The following ASAP2 variants were observed in gnomAD, a reference collection of about 807,000 sequenced individuals.
ASAP2 encodes ArfGAP with SH3 domain, ankyrin repeat and PH domain 2.
A neutral mutation model predicts 131.4 loss-of-function variants in ASAP2; 45 were observed. That is an observed-to-expected ratio of 0.34 (90% CI 0.27 to 0.44). ASAP2 has a LOEUF of 0.44. ASAP2 is among the 20% of genes least tolerant of loss of function. ASAP2 has a pLI of 1.00. For synonymous variants in ASAP2, 510 were observed against 503.0 expected (o/e 1.01, Z -0.19); for missense variants, 1,011 against 1,297.0 (o/e 0.78, Z 3.39).
intron 7 of ASAP2, among the ~76,000 whole-genome samples, chr2:9,334,258 C>A (rs1052853614): frequency 1.3e-5 from 2 of 149,524 alleles, no homozygotes; most frequent in Non-Finnish European, 3.0e-5. Context: ...CTATGTTGGC[C>A]AGCTGGTCTG....
chr2:9,210,674 C>T (rs536813753), intron 1 of ASAP2, among the ~76,000 whole-genome samples: 1 of 152,002 alleles, frequency 6.6e-6, no homozygotes, highest in East Asian at 2.0e-4. Context: ...CCTGCCTCAG[C>T]CTCCCGAGTA....
chr2:9,388,834 G>A (rs1379590131), intron 22 of ASAP2, among the ~76,000 whole-genome samples: 1 of 152,092 alleles, frequency 6.6e-6, no homozygotes. Context: ...CCCGGGGCTG[G>A]GCCAAAAGAC....
chr2:9,292,539 G>GA (rs1425310630), intron 2 of ASAP2, among the ~76,000 whole-genome samples: 1 of 151,916 alleles, frequency 6.6e-6, no homozygotes, highest in East Asian at 1.9e-4. Flanking sequence ...AAAAACAAAA[G>GA]AAAAACAGAG....
chr2:9,283,975 G>A (rs1297715943), intron 2 of ASAP2, among the ~76,000 whole-genome samples: 2 of 152,156 alleles, frequency 1.3e-5, no homozygotes, highest in Non-Finnish European at 2.9e-5. Flanking sequence ...GAATCTGGGG[G>A]AAGGGACGCA....
In ASAP2 at chr2:9,385,625, G is replaced by C. The variant is rs11674007; in HGVS notation, c.2130+267G>C. Among the ~76,000 whole-genome samples the C allele has an allele frequency of 7.4e-3, 1,127 of 152,158 alleles. 14 individuals are homozygous for C. Among genetic ancestry groups the C allele is most frequent in the African/African-American group, 0.026 (1,066 of 41,504 alleles). ...GCTACAAAGGAAAGGTGTGTGTGGC[G>C]GGGGGGTTGATTCCAGTGGATTTAG... is the stretch of plus-strand genomic sequence containing the variant. On this transcript the variant is annotated intron_variant, in intron 21 of 27. Coordinates refer to ENST00000281419, the MANE Select transcript of ASAP2 (RefSeq NM_003887.3).
chr2:9,280,024 A>G (rs1667029636), intron 2 of ASAP2, among the ~76,000 whole-genome samples: 1 of 152,222 alleles, frequency 6.6e-6, no homozygotes, highest in Non-Finnish European at 1.5e-5. Context: ...ATATAGTTTC[A>G]TTCAGCAACA....
intron 4 of ASAP2, 29 bp downstream of exon 4, chr2:9,318,627 G>A (rs764006206): frequency 1.3e-6 from 2 of 1,553,814 alleles, no homozygotes; most frequent in Admixed American, 1.7e-5. Context: ...GACACCAGGG[G>A]CAGCTTTTAC....
At chr2:9,380,913 A>G in intron 20 of ASAP2, 105 bp downstream of exon 20, 1 of 1,212,242 alleles carries the variant, frequency 8.2e-7, no homozygotes, top group Non-Finnish European at 1.2e-6. Flanking sequence ...TCCTGAGCAG[A>G]GCTCAGTGTT....
chr2:9,366,421 GA>G (rs2148682510), intron 15 of ASAP2, among the ~76,000 whole-genome samples: 1 of 152,148 alleles, frequency 6.6e-6, no homozygotes, highest in East Asian at 1.9e-4. Context: ...CTCAACTTGG[GA>G]AAACCATTGT....
intron 2 of ASAP2, among the ~76,000 whole-genome samples, chr2:9,296,757 A>G (rs1668177991): frequency 6.6e-6 from 1 of 152,206 alleles, no homozygotes; most frequent in Non-Finnish European, 1.5e-5. Context: ...TGGAGGAAGC[A>G]TGAGTCTGTA....
chr2:9,364,914 A>C lies in ASAP2; in HGVS notation c.1462-3511A>C, dbSNP rs529587227. Among the ~76,000 whole-genome samples, 10 of 152,270 alleles carry C rather than the reference A, an allele frequency of 6.6e-5. No homozygotes were observed. In the East Asian group the frequency reaches 1.5e-3, roughly 24 times the overall value. On this transcript the variant is annotated intron_variant, in intron 15 of 27. Transcript: ENST00000281419. ...CTCCATTTTTAAAAAAAGACCAGAG[A>C]GGTTAAGAAACTTACCCAGTGCAGG...
chr2:9,352,857 G>A (rs1050801766), intron 12 of ASAP2, among the ~76,000 whole-genome samples: 26 of 152,312 alleles, frequency 1.7e-4, no homozygotes, highest in African/African-American at 5.3e-4. Flanking sequence ...GGGCAGTGTC[G>A]TGAGTTTGCT....
intron 1 of ASAP2, chr2:9,271,499 G>A: frequency 7.0e-7 from 1 of 1,429,874 alleles, no homozygotes; most frequent in Non-Finnish European, 9.9e-7. Context: ...ACAGTAGTAA[G>A]GGCCTTCCTG....
At chr2:9,286,447 A>AAATATATAT (rs58605449) in intron 2 of ASAP2, among the ~76,000 whole-genome samples, 1 of 148,418 alleles carries the variant, frequency 6.7e-6, no homozygotes, top group African/African-American at 2.5e-5. Flanking sequence ...GAAAAAAAAA[A>AAATATATAT]ATATATATAT....
At chr2:9,336,989 G>A (rs544854443) in intron 9 of ASAP2, among the ~76,000 whole-genome samples, 1 of 152,274 alleles carries the variant, frequency 6.6e-6, no homozygotes, top group Non-Finnish European at 1.5e-5. Context: ...TGCTTTGCCT[G>A]TGCAGAATTA....
intron 20 of ASAP2, among the ~76,000 whole-genome samples, chr2:9,382,760 A>G (rs933315988): frequency 2.6e-5 from 4 of 152,246 alleles, no homozygotes; most frequent in Admixed American, 2.0e-4. Flanking sequence ...CACAACAAGC[A>G]ATACAGAAGC....
intron 6 of ASAP2, among the ~76,000 whole-genome samples, chr2:9,323,476 C>T (rs78474421): frequency 0.031 from 4,776 of 152,308 alleles, 193 homozygotes; most frequent in African/African-American, 0.099. Context: ...TAGAGAAAAA[C>T]CACTAAATGT....
At chr2:9,315,987 C>T (rs1024569524) in intron 3 of ASAP2, among the ~76,000 whole-genome samples, 1 of 152,144 alleles carries the variant, frequency 6.6e-6, no homozygotes, top group African/African-American at 2.4e-5. Flanking sequence ...CGTTATTATA[C>T]ACCTTACCAG....
At chr2:9,331,040 C>T (rs1042195829) in intron 7 of ASAP2, among the ~76,000 whole-genome samples, 4 of 152,216 alleles carry the variant, frequency 2.6e-5, no homozygotes, top group Non-Finnish European at 4.4e-5. Flanking sequence ...CGCAGCCGTG[C>T]GTGTTTCCAC....
Sources: allele counts gnomAD v4.1 joint callset (sites outside exome capture counted in the v4.1 genomes callset), GRCh38; gene constraint gnomAD v4.1.1; transcripts MANE v1.5; gene names NCBI Gene and HGNC (gene_info 2026-07-23, HGNC 2026-07-21).